ABCC4: variants seen among roughly 807,000 people sequenced by gnomAD.
ABCC4 encodes ATP binding cassette subfamily C member 4 (PEL blood group).
A neutral mutation model predicts 168.5 loss-of-function variants in ABCC4; 102 were observed. The ratio of observed to expected loss-of-function variants is 0.61; its 90% CI spans 0.52 to 0.71. The LOEUF (loss-of-function observed/expected upper bound fraction) is 0.71, where lower values mean the gene tolerates loss of function less well. Ranked by LOEUF, ABCC4 falls within the 30% of genes least tolerant of loss-of-function variation. ABCC4 has a pLI of 0.00. For synonymous variants in ABCC4, 617 were observed against 590.7 expected, an observed-to-expected ratio of 1.04 and a Z score of -0.65; for missense variants, 1,402 against 1,605.8, an observed-to-expected ratio of 0.87 and a Z score of 2.17.
chr13:95,101,354 A>C (rs919103585), intron 20 of ABCC4, among the ~76,000 whole-genome samples: 2 of 141,962 alleles, frequency 1.4e-5, no homozygotes, highest in Non-Finnish European at 3.1e-5. Flanking sequence ...CAAGCTGCTG[A>C]TTTTTTTTTT....
In ABCC4 at chr13:95,188,505, G is replaced by A. The variant is rs780641880; in HGVS notation, c.1301C>T (p.Thr434Ile). ...ETPTLQGLSFTVRPGELLAVV... is the reference protein window; with the variant it reads ...ETPTLQGLSFIVRPGELLAVV... ...AGCTAACAATTCGCCAGGTCTGACA[G>A]TAAAGGAAAGGCCTTGTAGAGTTGG... The change falls in exon 10 of 31, where the codon ACT becomes ATT. Residue 434 changes from threonine to isoleucine, a missense_variant. Around this residue, in one of 3 missense-constraint regions of ABCC4, gnomAD observed 1,007 missense variants for 1,127.3 expected, o/e 0.89. Coordinates refer to ENST00000645237, the MANE Select transcript of ABCC4 (RefSeq NM_005845.5). 3.1e-5 allele frequency: 50 copies of A among 1,613,984 alleles called. No homozygotes were observed. Among genetic ancestry groups the A allele is most frequent in the Non-Finnish European group, 3.8e-5 (45 of 1,179,982 alleles).
At chr13:95,106,301 C>T (rs1248169412) in intron 20 of ABCC4, among the ~76,000 whole-genome samples, 4 of 151,664 alleles carry the variant, frequency 2.6e-5, no homozygotes, top group African/African-American at 4.8e-5. Flanking sequence ...TACATATCAA[C>T]GGTTTAATTG....
At chr13:95,038,272 C>T (rs1220593393) in intron 29 of ABCC4, among the ~76,000 whole-genome samples, 1 of 149,416 alleles carries the variant, frequency 6.7e-6, no homozygotes, top group Non-Finnish European at 1.5e-5. Context: ...TTATTCAGCA[C>T]ACATTTATTG....
chr13:95,214,631 T>A (rs1351743234), intron 4 of ABCC4, among the ~76,000 whole-genome samples: 5 of 151,938 alleles, frequency 3.3e-5, no homozygotes, highest in South Asian at 4.2e-4. Flanking sequence ...CATGCCTGTA[T>A]TCCCAGCACT....
intron 8 of ABCC4, among the ~76,000 whole-genome samples, chr13:95,201,382 T>C (rs928854369): frequency 1.4e-4 from 22 of 152,190 alleles, no homozygotes; most frequent in African/African-American, 5.3e-4. Flanking sequence ...CTCTCTGATG[T>C]GTGACATAAT....
chr13:95,069,461 GTA>G (rs1010939818), intron 25 of ABCC4, among the ~76,000 whole-genome samples: 11 of 152,066 alleles, frequency 7.2e-5, no homozygotes, highest in Non-Finnish European at 1.2e-4. Context: ...TTGTGGTAAA[GTA>G]ACATAAAATT....
At chr13:95,287,445 G>A (rs1478061598) in intron 1 of ABCC4, among the ~76,000 whole-genome samples, 5 of 151,482 alleles carry the variant, frequency 3.3e-5, no homozygotes, top group Admixed American at 2.0e-4. Context: ...AAATTAGCTG[G>A]GCATGGTGGC....
rs1337575717 is a variant in ABCC4 at position 95,207,657 on chromosome 13, A to G, written c.911+143T>C. On this transcript the variant is annotated intron_variant, in intron 7 of 30. Coordinates refer to ENST00000645237, the MANE Select transcript of ABCC4 (RefSeq NM_005845.5). ...AATAACGTTCTCTACCATTCTACTT[A>G]ACCCAACTGCCAAGCGTGGGGACTG... 5 of 792,440 alleles carry G rather than the reference A, an allele frequency of 6.3e-6. No individual in the cohort carries two copies. In the Admixed American group the frequency reaches 1.3e-4, roughly 20 times the overall value. 49.1% of individuals were successfully genotyped at this position (792,440 alleles called of 1,614,324 possible).
intron 4 of ABCC4, among the ~76,000 whole-genome samples, chr13:95,213,983 T>C (rs1382460400): frequency 6.6e-6 from 1 of 152,002 alleles, no homozygotes; most frequent in East Asian, 1.9e-4. Context: ...GATCCAGATT[T>C]TGGAATTAGT....
intron 24 of ABCC4, among the ~76,000 whole-genome samples, chr13:95,072,415 C>T (rs564588968): frequency 3.1e-4 from 47 of 152,188 alleles, no homozygotes; most frequent in African/African-American, 1.1e-3. Context: ...GAGCCAAGAT[C>T]GCACTATTGC....
Position 95,170,568 on chromosome 13 carries a change from G to A in ABCC4, c.1788C>T (p.Tyr596=). ...ITILVTHQLQ[Y]LKAASQILIL... is the part of the protein sequence containing the mutation. The stretch of plus-strand genomic sequence containing the variant: ...TCAGAATCTGACTTGCAGCTTTGAG[G>A]TACTGCAACTGATGAGTCACTAAAA... Residue 596 remains tyrosine (Y), a synonymous_variant, in exon 14 of 31, where the codon TAC becomes TAT. Transcript: ENST00000645237. 6.2e-7 allele frequency: 1 copy of A among 1,611,854 alleles called. No homozygotes were observed. Among genetic ancestry groups the A allele is most frequent in the Non-Finnish European group, 8.5e-7 (1 of 1,179,448 alleles).
At chr13:95,197,161 G>A (rs775576066) in intron 8 of ABCC4, among the ~76,000 whole-genome samples, 28 of 152,154 alleles carry the variant, frequency 1.8e-4, no homozygotes, top group Non-Finnish European at 3.5e-4. Context: ...CATGAACACT[G>A]CACTGCACAC....
chr13:95,059,510 G>A (rs2033205789), intron 26 of ABCC4, among the ~76,000 whole-genome samples: 1 of 152,216 alleles, frequency 6.6e-6, no homozygotes, highest in African/African-American at 2.4e-5. Context: ...AAGCATTAGA[G>A]GGGTACTGAG....
intron 29 of ABCC4, chr13:95,043,193 A>C (rs1272154640): frequency 1.3e-5 from 2 of 152,658 alleles, no homozygotes; most frequent in African/African-American, 4.8e-5. Context: ...GCCCTCTCTG[A>C]AAATAATTTG....
At position 95,206,795 on chromosome 13, in the gene ABCC4, C is replaced by T. The variant is rs1189380266; in HGVS notation, c.912-14G>A. ...GAAATCTCCTTCCTGAAAGAGAGTA[C>T]AGGTTTTTAAAAAAGCAGTGATGTC... On this transcript the variant is annotated splice_polypyrimidine_tract_variant and intron_variant, in intron 7 of 30. Coordinates refer to ENST00000645237, the MANE Select transcript of ABCC4 (RefSeq NM_005845.5). The T allele has an allele frequency of 6.2e-7, 1 of 1,612,478 alleles. No individual in the cohort carries two copies. The highest frequency in any genetic ancestry group is 1.1e-5 in the South Asian group (1 of 91,014).
chr13:95,170,046 C>T (rs559028722), intron 14 of ABCC4, among the ~76,000 whole-genome samples: 17 of 152,086 alleles, frequency 1.1e-4, no homozygotes, highest in East Asian at 9.7e-4. Flanking sequence ...TTAGTAGAGA[C>T]GGGGTTTCAC....
intron 1 of ABCC4, among the ~76,000 whole-genome samples, chr13:95,281,964 G>A (rs983041327): frequency 2.0e-5 from 3 of 151,972 alleles, no homozygotes; most frequent in South Asian, 2.1e-4. Context: ...AAAATTACCC[G>A]GATGTGGTAG....
intron 13 of ABCC4, among the ~76,000 whole-genome samples, chr13:95,176,242 G>T (rs1463850438): frequency 2.6e-5 from 2 of 77,474 alleles, no homozygotes; most frequent in African/African-American, 9.0e-5. Context: ...GGGGGGGGGG[G>T]GGGTGGATCC....
At chr13:95,065,451 A>C (rs9590171) in intron 25 of ABCC4, among the ~76,000 whole-genome samples, 2,357 of 152,288 alleles carry the variant, frequency 0.015, 70 homozygotes, top group African/African-American at 0.053. Context: ...AATCTCATAT[A>C]TTTAGGCAAA....
Sources: gnomAD v4.1 joint callset for allele counts (sites outside exome capture counted in the v4.1 genomes callset) on GRCh38, gnomAD v4.1.1 for gene constraint, gnomAD v4.1.1 regional missense constraint, MANE v1.5 for transcripts, NCBI Gene and HGNC (gene_info 2026-07-23, HGNC 2026-07-21) for gene names.